HEXIM1: variants seen among roughly 807,000 people sequenced by gnomAD.
HEXIM1 encodes the protein protein HEXIM1.
A neutral mutation model predicts 30.3 loss-of-function variants in HEXIM1; 1 was observed. The observed-to-expected ratio is 0.03, with a 90% CI of 0.01 to 0.16. The LOEUF (loss-of-function observed/expected upper bound fraction) is 0.16, where lower values mean the gene tolerates loss of function less well. HEXIM1 is among the 10% of genes least tolerant of loss of function. The pLI is 1.00. For missense variants in HEXIM1, 391 were observed against 476.4 expected (o/e 0.82, Z 1.67); for synonymous variants, 245 against 208.3 (o/e 1.18, Z -1.52).
At position 45,148,579 on chromosome 17, in the gene HEXIM1, G is replaced by T. The variant is rs1057464617; in HGVS notation, c.-612G>T. On this transcript the variant is annotated 5_prime_UTR_variant, in exon 1 of 1. Coordinates refer to ENST00000332499, the MANE Select transcript of HEXIM1 (RefSeq NM_006460.3). The stretch of plus-strand genomic sequence containing the variant: ...GGGGAGGAGGGAGGGAGGAAAAGAG[G>T]AGGAGGCGGAGGAGAACTGAGCAGA... 2.5e-6 allele frequency: 1 copy of T among 399,584 alleles called. No homozygotes were observed. Among genetic ancestry groups the T allele is most frequent in the Non-Finnish European group, 4.4e-6 (1 of 226,566 alleles). The allele number at this position is 399,584 out of a possible 1,614,324, so 24.8% of individuals were successfully genotyped here.
chr17:45,148,511 G>T lies in HEXIM1; in HGVS notation c.-680G>T, dbSNP rs1178011490. ...GTTGGCAGGTGGAGAGGCAGGTTGG[G>T]AGGGAAAGTCGGGGGAGGACGCGGA... is the stretch of plus-strand genomic sequence containing the variant. On this transcript the variant is annotated 5_prime_UTR_variant, in exon 1 of 1. Transcript: ENST00000332499. 2 of 399,086 alleles carry T rather than the reference G, an allele frequency of 5.0e-6. No individual in the cohort carries two copies. Among genetic ancestry groups the T allele is most frequent in the Non-Finnish European group, 8.8e-6 (2 of 226,550 alleles). 24.7% of individuals were successfully genotyped at this position (399,086 alleles called of 1,614,324 possible). A position where few individuals can be genotyped will look rare whatever the true frequency, so the allele number is the denominator to read the frequency against.
In HEXIM1 at chr17:45,148,980, G is replaced by T; in HGVS notation, c.-211G>T. The T allele has an allele frequency of 1.8e-6, 1 of 547,126 alleles. No individual in the cohort carries two copies. The highest frequency in any genetic ancestry group is 3.2e-6 in the Non-Finnish European group (1 of 316,092). 33.9% of individuals were successfully genotyped at this position (547,126 alleles called of 1,614,324 possible). A position where few individuals can be genotyped will look rare whatever the true frequency, so the allele number is the denominator to read the frequency against. On this transcript the variant is annotated 5_prime_UTR_variant, in exon 1 of 1. Coordinates refer to ENST00000332499, the MANE Select transcript of HEXIM1 (RefSeq NM_006460.3). ...CCCGCTAGCTGGCCGCACTGTGGGC[G>T]CTTAACCCTTTACTGACTTGAGCTC...
chr17:45,151,310 A>G lies in HEXIM1; in HGVS notation c.*1040A>G, dbSNP rs931370356. On this transcript the variant is annotated 3_prime_UTR_variant, in exon 1 of 1. Transcript: ENST00000332499. ...TACGTGCTCTCTATACCAAAACAAA[A>G]AAAAAAAGCTATCCACCTTTCCATG... is the stretch of plus-strand genomic sequence containing the variant. 1.2e-5 allele frequency: 2 copies of G among 167,066 alleles called. No homozygotes were observed. Among genetic ancestry groups the G allele is most frequent in the African/African-American group, 4.8e-5 (2 of 41,442 alleles). 10.3% of individuals were successfully genotyped at this position (167,066 alleles called of 1,614,324 possible).
chr17:45,151,597 A>G lies in HEXIM1; in HGVS notation c.*1327A>G. On this transcript the variant is annotated 3_prime_UTR_variant, in exon 1 of 1. Coordinates refer to ENST00000332499, the MANE Select transcript of HEXIM1 (RefSeq NM_006460.3). ...GAGATTGCCTCCTGTCATTTTGGTT[A>G]ACCCAGTCCTTCACCTGCCCTGTGT... 6.0e-6 allele frequency: 1 copy of G among 167,248 alleles called. No homozygotes were observed. 10.4% of individuals were successfully genotyped at this position (167,248 alleles called of 1,614,324 possible).
rs1277323657 is a variant in HEXIM1, at chr17:45,148,686, G to C, written c.-505G>C. The C allele has an allele frequency of 1.7e-5, 7 of 401,388 alleles. No homozygotes were observed. Among genetic ancestry groups the C allele is most frequent in the Non-Finnish European group, 2.6e-5 (6 of 227,816 alleles). 24.9% of individuals were successfully genotyped at this position (401,388 alleles called of 1,614,324 possible). A position where few individuals can be genotyped will look rare whatever the true frequency, so the allele number is the denominator to read the frequency against. The stretch of plus-strand genomic sequence containing the variant: ...CCGGGCCTAGGGAACTGGGAGCTTG[G>C]GTGGAAGCGACACCCGTGGAAGTGG... On this transcript the variant is annotated 5_prime_UTR_variant, in exon 1 of 1. Transcript: ENST00000332499.
Position 45,149,552 on chromosome 17 carries a change from C to T in HEXIM1, c.362C>T (p.Pro121Leu), listed in dbSNP as rs898947076. ...PTPEAELLAQ[P>L]CHDSEASKLG... The stretch of plus-strand genomic sequence containing the variant: ...CCCGAGGCCGAGCTGCTCGCCCAGC[C>T]TTGTCATGACTCCGAGGCCAGTAAG... Residue 121 changes from proline to leucine, a missense_variant, in exon 1 of 1, where the codon CCT (proline) becomes CTT (leucine). Coordinates refer to ENST00000332499, the MANE Select transcript of HEXIM1 (RefSeq NM_006460.3). The surrounding 1 kb of genome is among the most constrained non-coding windows in gnomAD (Gnocchi z 5.3). 1 of 1,607,356 alleles carries T rather than the reference C, an allele frequency of 6.2e-7. No individual in the cohort carries two copies. The highest frequency in any genetic ancestry group is 8.5e-7 in the Non-Finnish European group (1 of 1,177,362).
rs2055522056 is a variant in HEXIM1, at chr17:45,148,635, TTGTC to T, written c.-551_-548del. ...GCATCGAGCCAAAGGGGAGATGAGT[TTGTC>T]TGTCCTCTGCTGAGGCTACGGCCGG... On this transcript the variant is annotated 5_prime_UTR_variant, in exon 1 of 1. An upstream open reading frame in the 5' UTR loses its in-frame stop. Transcript: ENST00000332499. 3 of 399,336 alleles carry T rather than the reference TTGTC, an allele frequency of 7.5e-6. No homozygotes were observed. Among genetic ancestry groups the T allele is most frequent in the Non-Finnish European group, 8.8e-6 (2 of 226,522 alleles). 24.7% of individuals were successfully genotyped at this position (399,336 alleles called of 1,614,324 possible). A position where few individuals can be genotyped will look rare whatever the true frequency, so the allele number is the denominator to read the frequency against.
chr17:45,148,523 G>C lies in HEXIM1; in HGVS notation c.-668G>C, dbSNP rs752043804. ...AGAGGCAGGTTGGGAGGGAAAGTCGGGGGAGGACGCGGAAGAGGAGCTGTG... is the reference window on the plus strand; with the variant it reads ...AGAGGCAGGTTGGGAGGGAAAGTCGCGGGAGGACGCGGAAGAGGAGCTGTG... On this transcript the variant is annotated 5_prime_UTR_variant, in exon 1 of 1. Coordinates refer to ENST00000332499, the MANE Select transcript of HEXIM1 (RefSeq NM_006460.3). The C allele has an allele frequency of 2.5e-6, 1 of 399,894 alleles. No homozygotes were observed. The highest frequency in any genetic ancestry group is 4.4e-6 in the Non-Finnish European group (1 of 227,048). 24.8% of individuals were successfully genotyped at this position (399,894 alleles called of 1,614,324 possible). A position where few individuals can be genotyped will look rare whatever the true frequency, so the allele number is the denominator to read the frequency against.
At position 45,151,821 on chromosome 17, in the gene HEXIM1, C is replaced by T. The variant is rs2055549330; in HGVS notation, c.*1551C>T. 1 of 167,094 alleles carries T rather than the reference C, an allele frequency of 6.0e-6. No homozygotes were observed. The highest frequency in any genetic ancestry group is 6.5e-5 in the Admixed American group (1 of 15,280). 10.4% of individuals were successfully genotyped at this position (167,094 alleles called of 1,614,324 possible). ...ACTCCTTGAAGGTTCAGAACCTCTG[C>T]AGGGAAGGGGGAAGAAAACCCTCCC... On this transcript the variant is annotated 3_prime_UTR_variant, in exon 1 of 1. Transcript: ENST00000332499.
At position 45,148,542 on chromosome 17, in the gene HEXIM1, A is replaced by C. The variant is rs1598114920; in HGVS notation, c.-649A>C. 2 of 355,200 alleles carry C rather than the reference A, an allele frequency of 5.6e-6. No homozygotes were observed. The highest frequency in any genetic ancestry group is 5.4e-5 in the Admixed American group (1 of 18,444). The allele number at this position is 355,200 out of a possible 1,614,324, so 22.0% of individuals were successfully genotyped here. On this transcript the variant is annotated 5_prime_UTR_variant, in exon 1 of 1. Coordinates refer to ENST00000332499, the MANE Select transcript of HEXIM1 (RefSeq NM_006460.3). ...AAGTCGGGGGAGGACGCGGAAGAGGAGCTGTGGGAAGGGGGAGGAGGGAGG... is the reference window on the plus strand; with the variant it reads ...AAGTCGGGGGAGGACGCGGAAGAGGCGCTGTGGGAAGGGGGAGGAGGGAGG...
Position 45,149,010 on chromosome 17 carries a change from G to C in HEXIM1, c.-181G>C. ...ACCCTTTACTGACTTGAGCTCCCCA[G>C]ATTGCAGTTGGAGTTTGCTGATAGA... On this transcript the variant is annotated 5_prime_UTR_variant, in exon 1 of 1. Coordinates refer to ENST00000332499, the MANE Select transcript of HEXIM1 (RefSeq NM_006460.3). The surrounding 1 kb of genome is among the most constrained non-coding windows in gnomAD (Gnocchi z 5.3). The C allele has an allele frequency of 1.6e-6, 1 of 623,892 alleles. No individual in the cohort carries two copies. The highest frequency in any genetic ancestry group is 2.7e-6 in the Non-Finnish European group (1 of 374,628). The allele number at this position is 623,892 out of a possible 1,614,324, so 38.6% of individuals were successfully genotyped here. A position where few individuals can be genotyped will look rare whatever the true frequency, so the allele number is the denominator to read the frequency against.
rs564389311 is a variant in HEXIM1, at chr17:45,151,882, G to A, written c.*1612G>A. On this transcript the variant is annotated 3_prime_UTR_variant, in exon 1 of 1. Transcript: ENST00000332499. ...ATGCTTTTGCAGTTAAATGGCGATG[G>A]TGGAGGTGATAGGGACTTCAAGAGT... 6.0e-6 allele frequency: 1 copy of A among 167,234 alleles called. No homozygotes were observed. The highest frequency in any genetic ancestry group is 2.1e-4 in the South Asian group (1 of 4,828). The allele number at this position is 167,234 out of a possible 1,614,324, so 10.4% of individuals were successfully genotyped here. A position where few individuals can be genotyped will look rare whatever the true frequency, so the allele number is the denominator to read the frequency against.
chr17:45,150,285 G>C lies in HEXIM1; in HGVS notation c.*15G>C, dbSNP rs1315599209. 3.3e-5 allele frequency: 53 copies of C among 1,603,184 alleles called. No individual in the cohort carries two copies. Among genetic ancestry groups the C allele is most frequent in the Non-Finnish European group, 4.5e-5 (53 of 1,172,908 alleles). On this transcript the variant is annotated 3_prime_UTR_variant, in exon 1 of 1. Transcript: ENST00000332499. The stretch of plus-strand genomic sequence containing the variant: ...TTGGAGACTAGACTGAAACTTTTTT[G>C]GGGGAGGGGGCAAAGGGGACTTTTT...
Position 45,149,281 on chromosome 17 carries a change from G to C in HEXIM1, c.91G>C (p.Glu31Gln). 1 of 1,613,754 alleles carries C rather than the reference G, an allele frequency of 6.2e-7. No homozygotes were observed. The highest frequency in any genetic ancestry group is 2.2e-5 in the East Asian group (1 of 44,876). Reference sequence around the variant, plus strand: ...TGCTGTCCAGGAAGAGCTGAACCCTGAGCGCCCCCCAGGCGCGGAGGAGCG... The same window carrying C: ...TGCTGTCCAGGAAGAGCTGAACCCTCAGCGCCCCCCAGGCGCGGAGGAGCG... ...AAAVQEELNP[E>Q]RPPGAEERVP... is the part of the protein sequence containing the mutation. Residue 31 changes from glutamate to glutamine, a missense_variant, in exon 1 of 1, where the codon GAG becomes CAG. Glu to Gln is a conservative substitution (Grantham distance 29, BLOSUM62 2). Coordinates refer to ENST00000332499, the MANE Select transcript of HEXIM1 (RefSeq NM_006460.3). This position sits in a 1 kb window ranked among gnomAD's most constrained non-coding sequence, Gnocchi z 5.3.
rs753721065 is a variant in HEXIM1 at position 45,149,499 on chromosome 17, C to G, written c.309C>G (p.Phe103Leu). 19 of 1,609,396 alleles carry G rather than the reference C, an allele frequency of 1.2e-5. No homozygotes were observed. In the Admixed American group the frequency reaches 3.0e-4, roughly 26 times the overall value. Reference protein sequence around the residue: ...NGDDSSAGGDFPPPAEVEPTP... With the variant: ...NGDDSSAGGDLPPPAEVEPTP... ...ACGACTCGTCCGCTGGCGGCGACTT[C>G]CCGCCGCCGGCAGAAGTGGAACCGA... The change falls in exon 1 of 1, where the codon TTC becomes TTG. Residue 103 changes from phenylalanine to leucine, a missense_variant. Transcript: ENST00000332499. The surrounding 1 kb of genome is among the most constrained non-coding windows in gnomAD (Gnocchi z 5.3).
In HEXIM1 at chr17:45,150,821, A is replaced by C. The variant is rs1217530820; in HGVS notation, c.*551A>C. The C allele has an allele frequency of 5.9e-6, 1 of 169,362 alleles. No individual in the cohort carries two copies. The highest frequency in any genetic ancestry group is 2.4e-5 in the African/African-American group (1 of 41,450). 10.5% of individuals were successfully genotyped at this position (169,362 alleles called of 1,614,324 possible). A position where few individuals can be genotyped will look rare whatever the true frequency, so the allele number is the denominator to read the frequency against. On this transcript the variant is annotated 3_prime_UTR_variant, in exon 1 of 1. Transcript: ENST00000332499. ...CCAATTTTTTCCTTGAATGGGTTTA[A>C]GTATGCTACAATATACAGTTCAGGC... is the stretch of plus-strand genomic sequence containing the variant.
rs1174083387 is a variant in HEXIM1 at position 45,150,000 on chromosome 17, G to A, written c.810G>A (p.Thr270=). The A allele has an allele frequency of 1.9e-6, 3 of 1,613,986 alleles. No homozygotes were observed. Among genetic ancestry groups the A allele is most frequent in the Non-Finnish European group, 2.5e-6 (3 of 1,180,040 alleles). The change falls in exon 1 of 1, where the codon ACG becomes ACA. Residue 270 remains threonine, a synonymous_variant. Coordinates refer to ENST00000332499, the MANE Select transcript of HEXIM1 (RefSeq NM_006460.3). The surrounding 1 kb of genome is among the most constrained non-coding windows in gnomAD (Gnocchi z 5.3). ...TTCTGCAGCGGGACTTCTCGGAGAC[G>A]TACGAGCGGTACCACACGGAGAGCC... is the stretch of plus-strand genomic sequence containing the variant. ...SEFLQRDFSE[T]YERYHTESLQ...
rs903988968 is a variant in HEXIM1 at position 45,149,314 on chromosome 17, G to C, written c.124G>C (p.Glu42Gln). The change falls in exon 1 of 1, where the codon GAG (glutamate) becomes CAG (glutamine). Residue 42 changes from glutamate to glutamine, a missense_variant. Around this residue, in one of 5 missense-constraint regions of HEXIM1, gnomAD observed 230 missense variants for 199.4 expected, o/e 1.15. Coordinates refer to ENST00000332499, the MANE Select transcript of HEXIM1 (RefSeq NM_006460.3). The surrounding 1 kb of genome is among the most constrained non-coding windows in gnomAD (Gnocchi z 5.3). ...RPPGAEERVP[E>Q]EDSRWQSRAF... is the part of the protein sequence containing the mutation. ...CCCAGGCGCGGAGGAGCGGGTGCCC[G>C]AGGAGGACAGTAGGTGGCAATCGAG... The C allele has an allele frequency of 6.2e-7, 1 of 1,613,536 alleles. No individual in the cohort carries two copies. The highest frequency in any genetic ancestry group is 8.5e-7 in the Non-Finnish European group (1 of 1,179,872).
rs1306322141 is a variant in HEXIM1 at position 45,150,162 on chromosome 17, G to C, written c.972G>C (p.Glu324Asp). 1 of 1,613,328 alleles carries C rather than the reference G, an allele frequency of 6.2e-7. No homozygotes were observed. The highest frequency in any genetic ancestry group is 8.5e-7 in the Non-Finnish European group (1 of 1,179,996). ...RLGGDDARVR[E>D]LELELDRLRA... ...GTGGCGACGACGCGCGTGTGCGGGA[G>C]CTGGAGCTGGAGCTGGACCGGCTGC... The change falls in exon 1 of 1, where the codon GAG (glutamate) becomes GAC (aspartate). Residue 324 changes from glutamate to aspartate, a missense_variant. By Grantham distance (45) the Glu-to-Asp change is conservative (BLOSUM62 2). This residue lies in a region of HEXIM1 where 73 missense variants were observed against 80.9 expected (regional missense o/e 0.90). Coordinates refer to ENST00000332499, the MANE Select transcript of HEXIM1 (RefSeq NM_006460.3).
Sources: allele counts gnomAD v4.1 joint callset, GRCh38; gene constraint gnomAD v4.1.1; regional missense constraint gnomAD v4.1.1; non-coding constraint Gnocchi (gnomAD v3.1); transcripts MANE v1.5; gene names NCBI Gene and HGNC (gene_info 2026-07-23, HGNC 2026-07-21).